Variants in CLSTN2 observed in about 807,000 individuals in gnomAD.
CLSTN2 encodes the protein calsyntenin 2, also known as calsyntenin-2.
In CLSTN2, 48 loss-of-function variants were observed where a neutral mutation model predicts 101.2. The ratio of observed to expected loss-of-function variants is 0.47; its 90% CI spans 0.38 to 0.60. The LOEUF (loss-of-function observed/expected upper bound fraction) is 0.60. Ranked by LOEUF, CLSTN2 falls within the 20% of genes least tolerant of loss-of-function variation. The pLI, the probability that CLSTN2 is intolerant of heterozygous loss-of-function variation, is 0.00. For synonymous variants in CLSTN2, 481 were observed against 463.6 expected (o/e 1.04, Z -0.48); for missense variants, 1,160 against 1,238.2 (o/e 0.94, Z 0.95).
At chr3:140,472,261 C>G (rs1234234759) in intron 8 of CLSTN2, among the ~76,000 whole-genome samples, 2 of 152,160 alleles carry the variant, frequency 1.3e-5, no homozygotes, top group African/African-American at 2.4e-5. Context: ...TTGTCTTGGG[C>G]CAGAGCCTTT....
intron 1 of CLSTN2, among the ~76,000 whole-genome samples, chr3:140,051,658 G>A (rs145806123): frequency 1.0e-3 from 156 of 152,268 alleles, no homozygotes; most frequent in African/African-American, 3.4e-3. Flanking sequence ...GTTCTCAACC[G>A]GGCTACATCT....
At chr3:140,321,325 C>G (rs1265703056) in intron 2 of CLSTN2, among the ~76,000 whole-genome samples, 7 of 152,198 alleles carry the variant, frequency 4.6e-5, no homozygotes, top group Admixed American at 4.6e-4. Context: ...ACTGACACAC[C>G]TTCAGCACCA....
At chr3:140,349,166 A>G (rs1448884071) in intron 2 of CLSTN2, among the ~76,000 whole-genome samples, 2 of 152,176 alleles carry the variant, frequency 1.3e-5, no homozygotes, top group Non-Finnish European at 2.9e-5. Flanking sequence ...CATCATGTGA[A>G]GAAGGATGTG....
At chr3:140,211,881 A>G (rs1026988289) in intron 2 of CLSTN2, among the ~76,000 whole-genome samples, 5 of 152,170 alleles carry the variant, frequency 3.3e-5, no homozygotes, top group African/African-American at 1.2e-4. Flanking sequence ...AGTGCTCACA[A>G]TTTAAAGAGG....
intron 1 of CLSTN2, among the ~76,000 whole-genome samples, chr3:140,171,687 T>TATA (rs1559797216): frequency 1.8e-5 from 2 of 114,034 alleles, no homozygotes; most frequent in Non-Finnish European, 3.3e-5. Context: ...TTATATATAA[T>TATA]ATATATTAAT....
At chr3:140,505,105 C>T (rs1045744295) in intron 8 of CLSTN2, among the ~76,000 whole-genome samples, 1 of 151,538 alleles carries the variant, frequency 6.6e-6, no homozygotes, top group African/African-American at 2.4e-5. Flanking sequence ...CAAGCTGAGA[C>T]AACCTGTTGA....
chr3:140,538,870 C>T (rs1240967141), intron 9 of CLSTN2, among the ~76,000 whole-genome samples: 3 of 152,162 alleles, frequency 2.0e-5, no homozygotes, highest in Non-Finnish European at 4.4e-5. Context: ...CAGGATAAGC[C>T]ATTCCCAAAC....
At chr3:140,350,714 C>G (rs577673794) in intron 2 of CLSTN2, among the ~76,000 whole-genome samples, 2 of 152,314 alleles carry the variant, frequency 1.3e-5, no homozygotes, top group African/African-American at 4.8e-5. Context: ...TAATGAGGCA[C>G]TTACTTATTT....
At chr3:140,079,791 G>A (rs2008557278) in intron 1 of CLSTN2, among the ~76,000 whole-genome samples, 3 of 150,142 alleles carry the variant, frequency 2.0e-5, no homozygotes, top group Admixed American at 2.0e-4. Context: ...AACTAGGGTG[G>A]ATGAGAAGGA....
In CLSTN2 at chr3:140,357,988, A is replaced by G. The variant is rs148093602; in HGVS notation, c.233-45641A>G. ...CAAGAATGTCTCTCCCTGTTATAGC[A>G]TGAGCCAGGCTGACACTGAGGGAGG... On this transcript the variant is annotated intron_variant, in intron 2 of 16. Transcript: ENST00000458420. Among the ~76,000 whole-genome samples the G allele has an allele frequency of 2.6e-3, 402 of 152,288 alleles. 2 individuals carry two copies. The highest frequency in any genetic ancestry group is 8.5e-3 in the African/African-American group (353 of 41,566).
intron 1 of CLSTN2, among the ~76,000 whole-genome samples, chr3:140,042,307 C>T (rs559366117): frequency 8.5e-5 from 13 of 152,282 alleles, no homozygotes; most frequent in South Asian, 2.1e-4. Flanking sequence ...TTGAGTATTG[C>T]GCATAAATGG....
chr3:140,276,409 G>A (rs143987266), intron 2 of CLSTN2, among the ~76,000 whole-genome samples: 1 of 152,188 alleles, frequency 6.6e-6, no homozygotes, highest in African/African-American at 2.4e-5. Context: ...TCAGTTATGA[G>A]TAAGGGTCTA....
intron 1 of CLSTN2, among the ~76,000 whole-genome samples, chr3:140,153,394 G>A (rs1487679807): frequency 1.3e-5 from 2 of 152,240 alleles, no homozygotes; most frequent in Non-Finnish European, 1.5e-5. Flanking sequence ...AGAATTTGGC[G>A]GGAGCTGTGG....
chr3:140,033,969 A>C (rs546449105), intron 1 of CLSTN2, among the ~76,000 whole-genome samples: 49 of 152,330 alleles, frequency 3.2e-4, no homozygotes, highest in African/African-American at 1.2e-3. Flanking sequence ...TAACAGCCTG[A>C]AAGGGTACAA....
chr3:140,116,147 C>T (rs2009239273), intron 1 of CLSTN2, among the ~76,000 whole-genome samples: 1 of 152,210 alleles, frequency 6.6e-6, no homozygotes, highest in Non-Finnish European at 1.5e-5. Context: ...TAGTCATACA[C>T]ATCCACCTCC....
chr3:139,957,026 A>G (rs139289401), intron 1 of CLSTN2, among the ~76,000 whole-genome samples: 32 of 152,326 alleles, frequency 2.1e-4, no homozygotes, highest in African/African-American at 7.0e-4. Flanking sequence ...AGACAATTTA[A>G]GTTTTGATGC....
chr3:140,067,025 C>G (rs2008311658), intron 1 of CLSTN2, among the ~76,000 whole-genome samples: 1 of 152,178 alleles, frequency 6.6e-6, no homozygotes, highest in African/African-American at 2.4e-5. Context: ...GACCCTTTCC[C>G]CAACATCCAG....
At chr3:140,418,534 C>G (rs79907113) in intron 4 of CLSTN2, among the ~76,000 whole-genome samples, 3 of 59,836 alleles carry the variant, frequency 5.0e-5, no homozygotes, top group African/African-American at 1.4e-4. Flanking sequence ...TTTTTTTTTT[C>G]TGAGACGGAG....
At chr3:140,334,721 G>A (rs896018735) in intron 2 of CLSTN2, among the ~76,000 whole-genome samples, 6 of 152,206 alleles carry the variant, frequency 3.9e-5, no homozygotes, top group African/African-American at 1.4e-4. Context: ...CAGAGGAGGG[G>A]GGCAACAGAA....
Sources: allele counts gnomAD v4.1 joint callset (sites outside exome capture counted in the v4.1 genomes callset), GRCh38; gene constraint gnomAD v4.1.1; transcripts MANE v1.5; gene names NCBI Gene and HGNC (gene_info 2026-07-23, HGNC 2026-07-21).